The following GRIN2A variants were observed in gnomAD, a reference collection of about 807,000 sequenced individuals.
The protein encoded by GRIN2A is glutamate receptor ionotropic, NMDA 2A.
A neutral mutation model predicts 113.4 loss-of-function variants in GRIN2A; 22 were observed. That is an observed-to-expected ratio of 0.19 (90% CI 0.14 to 0.28). The LOEUF (loss-of-function observed/expected upper bound fraction) is 0.28. Ranked by LOEUF, GRIN2A falls within the 10% of genes least tolerant of loss-of-function variation. GRIN2A has a pLI of 1.00. For missense variants in GRIN2A, 1,502 were observed against 1,887.0 expected (o/e 0.80, Z 3.78); for synonymous variants, 827 against 738.4 (o/e 1.12, Z -1.94).
intron 2 of GRIN2A, among the ~76,000 whole-genome samples, chr16:10,109,370 A>C (rs1437917932): frequency 6.6e-6 from 1 of 152,142 alleles, no homozygotes; most frequent in East Asian, 1.9e-4. Flanking sequence ...GTCCTACACA[A>C]ATTATTTCAG....
chr16:9,875,265 C>T (rs1453422497), intron 4 of GRIN2A, among the ~76,000 whole-genome samples: 1 of 152,052 alleles, frequency 6.6e-6, no homozygotes, highest in African/African-American at 2.4e-5. Flanking sequence ...GTAATTATCT[C>T]AAGGTACAAG....
chr16:10,160,635 G>C (rs1212745508), intron 2 of GRIN2A, among the ~76,000 whole-genome samples: 2 of 152,224 alleles, frequency 1.3e-5, no homozygotes, highest in Non-Finnish European at 2.9e-5. Context: ...AGCGGAGCCA[G>C]AGATTTTGGC....
chr16:9,764,824 A>C lies in GRIN2A; in HGVS notation c.2720T>G (p.Met907Arg). 2 of 1,614,244 alleles carry C rather than the reference A, an allele frequency of 1.2e-6. No individual in the cohort carries two copies. Among genetic ancestry groups the C allele is most frequent in the Non-Finnish European group, 1.7e-6 (2 of 1,180,034 alleles). ...CATTCTTGAGGAGTTCATGTTGGACATGCTGGAAATGTTTTTGGCTGACCG... is the reference window on the plus strand; with the variant it reads ...CATTCTTGAGGAGTTCATGTTGGACCTGCTGGAAATGTTTTTGGCTGACCG... Reference protein sequence around the residue: ...LLRSAKNISSMSNMNSSRMDS... With the variant: ...LLRSAKNISSRSNMNSSRMDS... The change falls in exon 13 of 13, where the codon ATG becomes AGG. Residue 907 changes from methionine (M) to arginine (R), a missense_variant. This residue lies in a region of GRIN2A where 832 missense variants were observed against 789.7 expected (regional missense o/e 1.05). Transcript: ENST00000330684.
chr16:9,846,811 T>C (rs1352191961), intron 5 of GRIN2A, among the ~76,000 whole-genome samples: 1 of 152,130 alleles, frequency 6.6e-6, no homozygotes, highest in Non-Finnish European at 1.5e-5. Flanking sequence ...CAGAAAAGAC[T>C]CAGAAAACAA....
intron 2 of GRIN2A, among the ~76,000 whole-genome samples, chr16:10,043,990 C>CGTGTGT (rs754929136): frequency 9.3e-6 from 1 of 107,562 alleles, no homozygotes; most frequent in African/African-American, 3.6e-5. Flanking sequence ...TATACACATA[C>CGTGTGT]GTGTGTGTGT....
chr16:10,128,411 A>T (rs535749698), intron 2 of GRIN2A, among the ~76,000 whole-genome samples: 6 of 152,362 alleles, frequency 3.9e-5, no homozygotes, highest in Admixed American at 1.3e-4. Context: ...ACTTAAGGAC[A>T]TTCTGATGGA....
chr16:9,990,598 C>CAT (rs2046092480), intron 2 of GRIN2A, among the ~76,000 whole-genome samples: 1 of 146,772 alleles, frequency 6.8e-6, no homozygotes, highest in Admixed American at 6.9e-5. Flanking sequence ...CACACACACA[C>CAT]GGTTGATGGA....
chr16:10,036,157 G>C (rs2047021266), intron 2 of GRIN2A, among the ~76,000 whole-genome samples: 1 of 152,198 alleles, frequency 6.6e-6, no homozygotes, highest in African/African-American at 2.4e-5. Context: ...AATTCACCAG[G>C]ACTTCTCCCC....
intron 2 of GRIN2A, among the ~76,000 whole-genome samples, chr16:10,042,729 A>G (rs2047187053): frequency 6.6e-6 from 1 of 152,212 alleles, no homozygotes; most frequent in South Asian, 2.1e-4. Flanking sequence ...TATTAAGAGG[A>G]ATCTGCTGGG....
At chr16:9,768,350 C>A (rs1015671490) in intron 12 of GRIN2A, among the ~76,000 whole-genome samples, 19 of 152,166 alleles carry the variant, frequency 1.2e-4, no homozygotes, top group African/African-American at 4.6e-4. Flanking sequence ...CCGTGCCCGG[C>A]CAAAAAATTT....
In GRIN2A at chr16:9,893,256, G is replaced by A. The variant is rs545858746; in HGVS notation, c.1008-2156C>T. ...AAGCAGAAAAGAGGATAAAAACAGG[G>A]CTTGTCTATGTCTAAAAGGGTTATG... On this transcript the variant is annotated intron_variant, in intron 3 of 12. Coordinates refer to ENST00000330684, the MANE Select transcript of GRIN2A (RefSeq NM_001134407.3). 5.3e-5 allele frequency among the ~76,000 whole-genome samples: 8 copies of A among 152,254 alleles called. No homozygotes were observed. In the South Asian group the frequency reaches 6.2e-4, roughly 12 times the overall value.
intron 2 of GRIN2A, among the ~76,000 whole-genome samples, chr16:10,155,141 T>C (rs1422008309): frequency 6.6e-6 from 1 of 152,216 alleles, no homozygotes; most frequent in African/African-American, 2.4e-5. Context: ...CTCAGAGCCC[T>C]CTTTGGGAAA....
chr16:10,107,769 G>A (rs1222587866), intron 2 of GRIN2A, among the ~76,000 whole-genome samples: 4 of 152,176 alleles, frequency 2.6e-5, no homozygotes, highest in African/African-American at 4.8e-5. Flanking sequence ...TGAGCTTCAG[G>A]ACACTCAACT....
chr16:10,031,825 T>G (rs2046934929), intron 2 of GRIN2A, among the ~76,000 whole-genome samples: 1 of 152,244 alleles, frequency 6.6e-6, no homozygotes, highest in Non-Finnish European at 1.5e-5. Flanking sequence ...CCTCCTTCAC[T>G]CTTACCCTCC....
At chr16:10,063,316 T>C (rs188301079) in intron 2 of GRIN2A, among the ~76,000 whole-genome samples, 47 of 152,262 alleles carry the variant, frequency 3.1e-4, no homozygotes, top group African/African-American at 1.1e-3. Context: ...TCACAGAATA[T>C]ACCCATGAAA....
chr16:9,910,537 C>CTTTTTTTTT lies in GRIN2A; in HGVS notation c.1008-19446_1008-19438dup, dbSNP rs35352418. 2.8e-4 allele frequency among the ~76,000 whole-genome samples: 35 copies of CTTTTTTTTT among 123,278 alleles called. 2 individuals are homozygous for CTTTTTTTTT. Among genetic ancestry groups the CTTTTTTTTT allele is most frequent in the African/African-American group, 9.9e-4 (32 of 32,330 alleles). 80.9% of individuals were successfully genotyped at this position (123,278 alleles called of 152,430 possible). A position where few individuals can be genotyped will look rare whatever the true frequency, so the allele number is the denominator to read the frequency against. On this transcript the variant is annotated intron_variant, in intron 3 of 12. Coordinates refer to ENST00000330684, the MANE Select transcript of GRIN2A (RefSeq NM_001134407.3). ...GAGTCTCATATGAAGTCTCAGAGTT[C>CTTTTTTTTT]TTTTTTTTTTTTTTTTTTTTGAGAC...
intron 2 of GRIN2A, among the ~76,000 whole-genome samples, chr16:9,964,691 T>C (rs2045516337): frequency 6.6e-6 from 1 of 152,156 alleles, no homozygotes; most frequent in Non-Finnish European, 1.5e-5. Context: ...CTCTGACTCT[T>C]CCATCTTCAC....
In GRIN2A at chr16:10,074,179, G is replaced by C. The variant is rs560729143; in HGVS notation, c.414+105819C>G. 1.7e-3 allele frequency among the ~76,000 whole-genome samples: 257 copies of C among 152,242 alleles called. 2 individuals carry two copies. The highest frequency in any genetic ancestry group is 5.8e-3 in the African/African-American group (241 of 41,530). Reference sequence around the variant, plus strand: ...TGCAAATCAAAATCACAATCAGATAGCACTTCACACTCACCAGGATGGCTA... The same window carrying C: ...TGCAAATCAAAATCACAATCAGATACCACTTCACACTCACCAGGATGGCTA... On this transcript the variant is annotated intron_variant, in intron 2 of 12. Coordinates refer to ENST00000330684, the MANE Select transcript of GRIN2A (RefSeq NM_001134407.3).
At chr16:10,103,923 T>C (rs1567301288) in intron 2 of GRIN2A, among the ~76,000 whole-genome samples, 1 of 152,216 alleles carries the variant, frequency 6.6e-6, no homozygotes, top group African/African-American at 2.4e-5. Flanking sequence ...CTCTCAGAAA[T>C]GCAAACATTT....
Sources: allele counts gnomAD v4.1 joint callset (sites outside exome capture counted in the v4.1 genomes callset), GRCh38; gene constraint gnomAD v4.1.1; regional missense constraint gnomAD v4.1.1; transcripts MANE v1.5; gene names NCBI Gene and HGNC (gene_info 2026-07-23, HGNC 2026-07-21).